Variants in LRRN4 observed in about 807,000 individuals in gnomAD.
LRRN4 encodes the protein leucine-rich repeat neuronal protein 4.
LRRN4 carries 26 observed loss-of-function variants against 22.3 expected under a neutral mutation model. The ratio of observed to expected loss-of-function variants is 1.16; its 90% CI spans 0.85 to 1.62. The LOEUF (loss-of-function observed/expected upper bound fraction) is 1.62. LRRN4 is among the 40% of genes most tolerant of loss of function. LRRN4 has a pLI of 0.00. For missense variants in LRRN4, 1,070 were observed against 1,008.5 expected (o/e 1.06, Z -0.83); for synonymous variants, 496 against 486.2 (o/e 1.02, Z -0.26).
Position 6,042,691 on chromosome 20 carries a change from C to T in LRRN4, c.999-445G>A, listed in dbSNP as rs571939298. Reference sequence around the variant, plus strand: ...ATCTCAGCACTTTGGGAAGCTGAGGCGGGCAGATCACAAGGTCAGGAGGTC... The same window carrying T: ...ATCTCAGCACTTTGGGAAGCTGAGGTGGGCAGATCACAAGGTCAGGAGGTC... On this transcript the variant is annotated intron_variant, in intron 4 of 4. Coordinates refer to ENST00000378858, the MANE Select transcript of LRRN4 (RefSeq NM_152611.5). Among the ~76,000 whole-genome samples, 25 of 152,132 alleles carry T rather than the reference C, an allele frequency of 1.6e-4. 1 individual carries two copies. In the South Asian group the frequency reaches 4.6e-3, roughly 28 times the overall value.
chr20:6,051,092 G>T (rs1568642733), intron 2 of LRRN4, 109 bp from the exon 3 acceptor site: 1 of 902,894 alleles, frequency 1.1e-6, no homozygotes, highest in Non-Finnish European at 1.8e-6. Flanking sequence ...GAAGGTCATC[G>T]CTGAGCACGG....
intron 4 of LRRN4, among the ~76,000 whole-genome samples, chr20:6,043,602 T>C (rs1290603957): frequency 6.6e-6 from 1 of 151,506 alleles, no homozygotes; most frequent in Non-Finnish European, 1.5e-5. Flanking sequence ...TGGGCTTGGG[T>C]GGGAGATGAG....
chr20:6,045,480 C>G (rs1490772873), intron 3 of LRRN4, among the ~76,000 whole-genome samples: 1 of 148,272 alleles, frequency 6.7e-6, no homozygotes, highest in Admixed American at 6.8e-5. Flanking sequence ...AACAAAAACA[C>G]ACACACAAAA....
At chr20:6,044,428 G>C in intron 4 of LRRN4, 115 bp downstream of exon 4, 2 of 1,117,864 alleles carry the variant, frequency 1.8e-6, no homozygotes, top group South Asian at 7.4e-5. Context: ...AGGCTGCCCA[G>C]CCCAACATGG....
Position 6,050,944 on chromosome 20 carries a change from G to C in LRRN4, c.695C>G (p.Ser232Cys). 1.2e-6 allele frequency: 2 copies of C among 1,614,120 alleles called. No homozygotes were observed. The highest frequency in any genetic ancestry group is 1.1e-5 in the South Asian group (1 of 91,074). The part of the protein sequence containing the change: ...GWIRDLPKLT[S>C]LYLRKMPRLT... ...CCGAGGCATCTTCCTCAGGTAGAGG[G>C]ATGTGAGCTTCGGCAGGTCTCTGAT... Residue 232 changes from serine (S) to cysteine (C), a missense_variant, in exon 3 of 5, where the codon TCC becomes TGC. Transcript: ENST00000378858.
rs1393637482 is a variant in LRRN4, at chr20:6,052,407, G to A, written c.393C>T (p.Tyr131=). 6.5e-7 allele frequency: 1 copy of A among 1,536,626 alleles called. No homozygotes were observed. Among genetic ancestry groups the A allele is most frequent in the Admixed American group, 2.0e-5 (1 of 51,136 alleles). The part of the protein sequence containing the change: ...PAGLHTLDLS[Y]NQLAALPPCT... ...ACGGCGGCAGAGCGGCCAGCTGGTT[G>A]TAGCTGAGGTCCAGGGTGTGCAGCC... Residue 131 remains tyrosine, a synonymous_variant, in exon 2 of 5, where the codon TAC becomes TAT. Transcript: ENST00000378858.
chr20:6,052,913 C>T, intron 1 of LRRN4, 109 bp from the exon 2 acceptor site: 2 of 1,149,646 alleles, frequency 1.7e-6, no homozygotes, highest in Non-Finnish European at 2.4e-6. Flanking sequence ...AGCACAGGCG[C>T]TGGATGTTCC....
chr20:6,043,278 G>A (rs1223848048), intron 4 of LRRN4, among the ~76,000 whole-genome samples: 3 of 152,158 alleles, frequency 2.0e-5, no homozygotes, highest in African/African-American at 7.2e-5. Context: ...AGCCAGGTAT[G>A]GTGGCACATG....
chr20:6,051,064 A>G (rs1333678672), intron 2 of LRRN4, 81 bp from the exon 3 acceptor site: 3 of 1,239,554 alleles, frequency 2.4e-6, no homozygotes, highest in Non-Finnish European at 3.5e-6. Context: ...GAAGAACGAG[A>G]GTGGCAAGGT....
Position 6,052,444 on chromosome 20 carries a change from C to A in LRRN4, c.356G>T (p.Gly119Val). The A allele has an allele frequency of 6.4e-7, 1 of 1,552,266 alleles. No homozygotes were observed. Among genetic ancestry groups the A allele is most frequent in the Non-Finnish European group, 8.6e-7 (1 of 1,158,004 alleles). The change falls in exon 2 of 5, where the codon GGT becomes GTT. Residue 119 changes from glycine to valine, a missense_variant. Transcript: ENST00000378858. ...NRIAALRWGP[G>V]GPAGLHTLDL... is the part of the protein sequence containing the mutation. ...CAGGGTGTGCAGCCCCGCCGGCCCA[C>A]CCGGGCCCCAGCGCAGCGCGGCGAT...
At chr20:6,050,528 C>A (rs146286242) in intron 3 of LRRN4, among the ~76,000 whole-genome samples, 1 of 152,190 alleles carries the variant, frequency 6.6e-6, no homozygotes, top group African/African-American at 2.4e-5. Flanking sequence ...TTAAAATAAA[C>A]TTTAAAGGCA....
In LRRN4 at chr20:6,052,530, C is replaced by G. The variant is rs775139650; in HGVS notation, c.270G>C (p.Leu90=). 1.3e-6 allele frequency: 2 copies of G among 1,587,610 alleles called. No homozygotes were observed. Among genetic ancestry groups the G allele is most frequent in the South Asian group, 2.3e-5 (2 of 88,852 alleles). Residue 90 remains leucine (L), a synonymous_variant, in exon 2 of 5, where the codon CTG becomes CTC. Coordinates refer to ENST00000378858, the MANE Select transcript of LRRN4 (RefSeq NM_152611.5). ...LDASHNLLRA[L]STSELGHLEQ... is the part of the protein sequence containing the mutation. ...CCAGGTGGCCGAGCTCGGAAGTGCT[C>G]AGGGCGCGCAGCAGGTTGTGGCTGG...
chr20:6,040,856 C>T lies in LRRN4; in HGVS notation c.*166G>A, dbSNP rs1036333221. On this transcript the variant is annotated 3_prime_UTR_variant, in exon 5 of 5. Coordinates refer to ENST00000378858, the MANE Select transcript of LRRN4 (RefSeq NM_152611.5). ...GTAGAAGGAAGGGAGGGCAGCAGTTCCTTGGACCCAGACACTCAGTGTGGC... is the reference window on the plus strand; with the variant it reads ...GTAGAAGGAAGGGAGGGCAGCAGTTTCTTGGACCCAGACACTCAGTGTGGC... The T allele has an allele frequency of 4.4e-6, 4 of 899,928 alleles. No individual in the cohort carries two copies. The African/African-American group carries it at 6.8e-5, about 15-fold the overall frequency. 55.7% of individuals were successfully genotyped at this position (899,928 alleles called of 1,614,324 possible).
At chr20:6,046,085 G>T (rs1981093898) in intron 3 of LRRN4, among the ~76,000 whole-genome samples, 1 of 147,748 alleles carries the variant, frequency 6.8e-6, no homozygotes. Context: ...CAAGGTGGGA[G>T]GATCATTTGA....
At position 6,041,529 on chromosome 20, in the gene LRRN4, GCCGGGGCA is replaced by G. The variant is rs1980945528; in HGVS notation, c.1708_1715del (p.Cys570ProfsTer158). 1.2e-5 allele frequency: 18 copies of G among 1,553,928 alleles called. No homozygotes were observed. Among genetic ancestry groups the G allele is most frequent in the Non-Finnish European group, 1.5e-5 (17 of 1,149,196 alleles). On this transcript the variant is annotated frameshift_variant, in exon 5 of 5. Coordinates refer to ENST00000378858, the MANE Select transcript of LRRN4 (RefSeq NM_152611.5). LOFTEE classifies it low-confidence loss of function (END_TRUNC). The surrounding 1 kb of genome is among the most constrained non-coding windows in gnomAD (Gnocchi z 9.4). ...CTGGGATGGTGTCTTCCCCGCTGAG[GCCGGGGCA>G]CCGGCACCGCCACCGCCTCTGCAGC... is the stretch of plus-strand genomic sequence containing the variant.
Position 6,042,091 on chromosome 20 carries a change from T to C in LRRN4, c.1154A>G (p.Gln385Arg), listed in dbSNP as rs1980979350. The change falls in exon 5 of 5, where the codon CAG (glutamine) becomes CGG (arginine). Residue 385 changes from glutamine (Q) to arginine (R), a missense_variant. Gln to Arg is a conservative substitution (Grantham distance 43, BLOSUM62 1). Transcript: ENST00000378858. ...PPCFNRSTYA[Q>R]GTTVAPSAAP... ...TGCGCTGGGCGCGACGGTGGTACCC[T>C]GTGCGTAGGTGGAGCGGTTGAAGCA... 6.2e-7 allele frequency: 1 copy of C among 1,613,986 alleles called. No homozygotes were observed. Among genetic ancestry groups the C allele is most frequent in the Non-Finnish European group, 8.5e-7 (1 of 1,179,988 alleles).
At chr20:6,051,449 GCCCCTTCCCCTCGGTATT>G (rs1159648615) in intron 2 of LRRN4, among the ~76,000 whole-genome samples, 1 of 152,190 alleles carries the variant, frequency 6.6e-6, no homozygotes, top group African/African-American at 2.4e-5. Context: ...TGGAGAACGT[GCCCCTTCCCCTCGGTATT>G]CCCCATTCTA....
At chr20:6,047,770 G>A (rs1304048689) in intron 3 of LRRN4, among the ~76,000 whole-genome samples, 3 of 144,024 alleles carry the variant, frequency 2.1e-5, no homozygotes, top group Non-Finnish European at 3.0e-5. Flanking sequence ...CATCCTGGTG[G>A]CAGAGCAAGA....
chr20:6,041,879 G>A lies in LRRN4; in HGVS notation c.1366C>T (p.Gln456Ter). 1 of 1,614,218 alleles carries A rather than the reference G, an allele frequency of 6.2e-7. No individual in the cohort carries two copies. ...TCGGGGGCATGTTCTCCTCGGTGCTGGGTCCTGGTGGTGCTGGCAGCCCTG... is the reference window on the plus strand; with the variant it reads ...TCGGGGGCATGTTCTCCTCGGTGCTAGGTCCTGGTGGTGCTGGCAGCCCTG... ...FPRAASTTRT[Q>*]HRGEHAPELV... is the part of the protein sequence containing the mutation. Residue 456 changes from glutamine to a stop codon, truncating the protein, a stop_gained, in exon 5 of 5, where the codon CAG becomes TAG. Coordinates refer to ENST00000378858, the MANE Select transcript of LRRN4 (RefSeq NM_152611.5). LOFTEE classifies it low-confidence loss of function (END_TRUNC). The surrounding 1 kb of genome is among the most constrained non-coding windows in gnomAD (Gnocchi z 9.4).
Sources: allele counts gnomAD v4.1 joint callset (sites outside exome capture counted in the v4.1 genomes callset), GRCh38; gene constraint gnomAD v4.1.1; non-coding constraint Gnocchi (gnomAD v3.1); transcripts MANE v1.5; gene names NCBI Gene and HGNC (gene_info 2026-07-23, HGNC 2026-07-21).